Variants in ARID1B observed in about 807,000 individuals in gnomAD.
ARID1B encodes the protein AT-rich interaction domain 1B.
A neutral mutation model predicts 212.3 loss-of-function variants in ARID1B; 30 were observed. The observed-to-expected ratio is 0.14, with a 90% confidence interval of 0.11 to 0.19. The LOEUF (loss-of-function observed/expected upper bound fraction) is 0.19, where lower values mean the gene tolerates loss of function less well. Among genes scored for constraint, ARID1B ranks in the 10% least tolerant of loss-of-function variants. The probability of loss-of-function intolerance (pLI) is 1.00; values close to 1 mark genes in which losing one functional copy is unlikely to be tolerated. For missense variants in ARID1B, 2,891 were observed against 3,204.0 expected (o/e 0.90, Z 2.36); for synonymous variants, 1,402 against 1,301.7 (o/e 1.08, Z -1.66).
intron 4 of ARID1B, among the ~76,000 whole-genome samples, chr6:156,982,351 T>C (rs977015509): frequency 1.3e-5 from 2 of 152,148 alleles, no homozygotes; most frequent in Non-Finnish European, 2.9e-5. Flanking sequence ...TTGCCCTTTC[T>C]TTCTGTGTGA....
At chr6:156,835,084 C>A (rs1021493435) in intron 2 of ARID1B, among the ~76,000 whole-genome samples, 2 of 151,684 alleles carry the variant, frequency 1.3e-5, no homozygotes, top group Non-Finnish European at 2.9e-5. Flanking sequence ...TAAAAAAATA[C>A]AAAAAAATTA....
chr6:156,813,858 G>GT (rs1428138653), intron 1 of ARID1B, among the ~76,000 whole-genome samples: 14 of 151,852 alleles, frequency 9.2e-5, no homozygotes, highest in Admixed American at 2.0e-4. Context: ...AGCTGTTGCT[G>GT]TTTTTTTTGC....
intron 3 of ARID1B, among the ~76,000 whole-genome samples, chr6:156,910,679 A>G (rs1046696020): frequency 5.9e-5 from 9 of 152,232 alleles, no homozygotes; most frequent in Non-Finnish European, 8.8e-5. Flanking sequence ...TTTTCAATCA[A>G]TAGCTATTTA....
At chr6:157,009,133 A>G (rs976339473) in intron 4 of ARID1B, among the ~76,000 whole-genome samples, 1 of 152,220 alleles carries the variant, frequency 6.6e-6, no homozygotes, top group African/African-American at 2.4e-5. Flanking sequence ...TACTGAACTG[A>G]AGCAGCCATC....
Position 157,190,481 on chromosome 6 carries a change from C to T in ARID1B, c.4231+271C>T, listed in dbSNP as rs574209703. Among the ~76,000 whole-genome samples, 11 of 152,344 alleles carry T rather than the reference C, an allele frequency of 7.2e-5. No individual in the cohort carries two copies. The East Asian group carries it at 2.1e-3, about 29-fold the overall frequency. On this transcript the variant is annotated intron_variant, in intron 15 of 19. Coordinates refer to ENST00000636930, the MANE Select transcript of ARID1B (RefSeq NM_001374828.1). This position sits in a 1 kb window ranked among gnomAD's most constrained non-coding sequence, Gnocchi z 4.6. Reference sequence around the variant, plus strand: ...GATACCTGCCACCTCCTTACACGTGCCAAGTTACGTTCCTCATCTAGAAAT... The same window carrying T: ...GATACCTGCCACCTCCTTACACGTGTCAAGTTACGTTCCTCATCTAGAAAT...
At chr6:157,048,201 G>C (rs887687608) in intron 4 of ARID1B, among the ~76,000 whole-genome samples, 1 of 152,152 alleles carries the variant, frequency 6.6e-6, no homozygotes, top group Non-Finnish European at 1.5e-5. Flanking sequence ...CAATATGTTG[G>C]AATATGCTTA....
intron 2 of ARID1B, among the ~76,000 whole-genome samples, chr6:156,832,480 C>G (rs114047737): frequency 1.4e-3 from 212 of 152,278 alleles, no homozygotes; most frequent in African/African-American, 4.8e-3. Flanking sequence ...CCAGAACGTT[C>G]TGTGTTTGGT....
chr6:156,783,961 G>A (rs150762868), intron 1 of ARID1B, among the ~76,000 whole-genome samples: 1 of 152,324 alleles, frequency 6.6e-6, no homozygotes, highest in African/African-American at 2.4e-5. Flanking sequence ...ATGTTTGATA[G>A]AAGTGTGGTG....
intron 4 of ARID1B, among the ~76,000 whole-genome samples, chr6:156,991,998 A>G (rs1216570683): frequency 6.6e-6 from 1 of 152,196 alleles, no homozygotes; most frequent in Non-Finnish European, 1.5e-5. Context: ...GTTTACAAAG[A>G]TCTCTTGTCA....
Position 156,897,249 on chromosome 6 carries a change from C to A in ARID1B, c.1987-4127C>A, listed in dbSNP as rs1433906561. On this transcript the variant is annotated intron_variant, in intron 2 of 19. Coordinates refer to ENST00000636930, the MANE Select transcript of ARID1B (RefSeq NM_001374828.1). ...TCTTCTTCTTCTTCTTCTTCTTCTT[C>A]TTCTTCTTCTTCTTCTTATTATTAT... 9.1e-3 allele frequency among the ~76,000 whole-genome samples: 917 copies of A among 100,634 alleles called. 12 individuals are homozygous for A. The highest frequency in any genetic ancestry group is 0.021 in the African/African-American group (587 of 28,124). The allele number at this position is 100,634 out of a possible 152,430, so 66.0% of individuals were successfully genotyped here.
chr6:157,004,358 G>A (rs914882225), intron 4 of ARID1B, among the ~76,000 whole-genome samples: 2 of 151,546 alleles, frequency 1.3e-5, no homozygotes, highest in Admixed American at 1.3e-4. Flanking sequence ...TAAGTGTTTA[G>A]CAAGTGAAAT....
chr6:156,887,552 G>A (rs1312619836), intron 2 of ARID1B, among the ~76,000 whole-genome samples: 1 of 152,116 alleles, frequency 6.6e-6, no homozygotes, highest in African/African-American at 2.4e-5. Flanking sequence ...AATTAATGCA[G>A]TTTTTGAAAT....
At chr6:157,054,148 C>T (rs181997302) in intron 4 of ARID1B, among the ~76,000 whole-genome samples, 8 of 150,380 alleles carry the variant, frequency 5.3e-5, no homozygotes, top group Non-Finnish European at 1.0e-4. Context: ...CGCTTGAACC[C>T]GGGAGGCGGA....
In ARID1B at chr6:156,949,376, C is replaced by T. The variant is rs557046997; in HGVS notation, c.2247+13800C>T. Among the ~76,000 whole-genome samples, 5 of 152,340 alleles carry T rather than the reference C, an allele frequency of 3.3e-5. No homozygotes were observed. In the East Asian group the frequency reaches 5.8e-4, roughly 18 times the overall value. ...GATACTCCACCTAGAGTACTTTGCA[C>T]ATACATGAGATCTAAGGTTCATAAA... On this transcript the variant is annotated intron_variant, in intron 4 of 19. Coordinates refer to ENST00000636930, the MANE Select transcript of ARID1B (RefSeq NM_001374828.1).
At chr6:157,173,617 A>G (rs1197572961) in intron 9 of ARID1B, 3 of 158,508 alleles carry the variant, frequency 1.9e-5, no homozygotes, top group African/African-American at 7.2e-5. Flanking sequence ...TAAATCCTCT[A>G]GGACCTAGGT....
chr6:156,981,117 A>G (rs1429037914), intron 4 of ARID1B, among the ~76,000 whole-genome samples: 1 of 152,168 alleles, frequency 6.6e-6, no homozygotes, highest in African/African-American at 2.4e-5. Context: ...TCCCTTGTCT[A>G]CTTCTGAGGG....
At chr6:156,840,195 C>G (rs573497468) in intron 2 of ARID1B, among the ~76,000 whole-genome samples, 5 of 152,300 alleles carry the variant, frequency 3.3e-5, no homozygotes, top group African/African-American at 1.2e-4. Flanking sequence ...CTTGGCTTTT[C>G]TCAGCCTTTT....
rs1253993136 is a variant in ARID1B at position 156,856,698 on chromosome 6, T to TCA, written c.1986+27278_1986+27279insAC. 2.9e-3 allele frequency among the ~76,000 whole-genome samples: 252 copies of TCA among 85,650 alleles called. 1 individual carries two copies. Among genetic ancestry groups the TCA allele is most frequent in the Non-Finnish European group, 3.1e-3 (121 of 39,166 alleles). 56.2% of individuals were successfully genotyped at this position (85,650 alleles called of 152,430 possible). A position where few individuals can be genotyped will look rare whatever the true frequency, so the allele number is the denominator to read the frequency against. On this transcript the variant is annotated intron_variant, in intron 2 of 19. Coordinates refer to ENST00000636930, the MANE Select transcript of ARID1B (RefSeq NM_001374828.1). ...CTCTCTCTCTCTCTCTCTCTCTCTC[T>TCA]CTCACACACACACACACACACACAC...
chr6:157,087,836 T>G (rs1328583089), intron 5 of ARID1B, among the ~76,000 whole-genome samples: 1 of 149,506 alleles, frequency 6.7e-6, no homozygotes, highest in Admixed American at 6.7e-5. Context: ...CCTCTTGGAG[T>G]TTGAGCCTGA....
Sources: allele counts gnomAD v4.1 joint callset (sites outside exome capture counted in the v4.1 genomes callset), GRCh38; gene constraint gnomAD v4.1.1; non-coding constraint Gnocchi (gnomAD v3.1); transcripts MANE v1.5; gene names NCBI Gene and HGNC (gene_info 2026-07-23, HGNC 2026-07-21).